Variants in DCC observed in about 807,000 individuals in gnomAD.
DCC encodes netrin receptor DCC.
In DCC, 58 loss-of-function variants were observed where a neutral mutation model predicts 172.5. That is an observed-to-expected ratio of 0.34 (90% CI 0.27 to 0.42). DCC has a LOEUF of 0.42. Ranked by LOEUF, DCC falls within the 10% of genes least tolerant of loss-of-function variation. The probability of loss-of-function intolerance (pLI) is 1.00; values close to 1 mark genes in which losing one functional copy is unlikely to be tolerated. For synonymous variants in DCC, 709 were observed against 644.5 expected (o/e 1.10, Z -1.52); for missense variants, 1,740 against 1,791.0 (o/e 0.97, Z 0.51).
At chr18:53,042,417 T>C (rs371006518) in intron 5 of DCC, among the ~76,000 whole-genome samples, 19 of 152,166 alleles carry the variant, frequency 1.2e-4, no homozygotes, top group Non-Finnish European at 1.8e-4. Context: ...CAGTATTTTA[T>C]TGAGGATTTT....
At chr18:52,481,700 A>G (rs1186165780) in intron 1 of DCC, among the ~76,000 whole-genome samples, 2 of 152,110 alleles carry the variant, frequency 1.3e-5, no homozygotes, top group East Asian at 3.9e-4. Context: ...TTGGAACTCT[A>G]ACAGTGACGA....
At chr18:52,678,606 C>T (rs1568036775) in intron 1 of DCC, among the ~76,000 whole-genome samples, 1 of 152,106 alleles carries the variant, frequency 6.6e-6, no homozygotes, top group Admixed American at 6.6e-5. Context: ...TTAAAAAATG[C>T]TCTAAAGCAT....
chr18:53,477,332 A>G (rs1176292277), intron 25 of DCC, among the ~76,000 whole-genome samples: 1 of 152,182 alleles, frequency 6.6e-6, no homozygotes, highest in Non-Finnish European at 1.5e-5. Context: ...AAACTTTTTG[A>G]TAAAATAGCC....
intron 7 of DCC, among the ~76,000 whole-genome samples, chr18:53,104,073 AT>A (rs2043210932): frequency 6.6e-6 from 1 of 152,058 alleles, no homozygotes; most frequent in Admixed American, 6.6e-5. Context: ...AAAATCTTAA[AT>A]TCAGACAGAA....
chr18:52,799,442 T>TG (rs893289050), intron 2 of DCC, among the ~76,000 whole-genome samples: 1 of 151,958 alleles, frequency 6.6e-6, no homozygotes, highest in Non-Finnish European at 1.5e-5. Context: ...AATGAGAAGG[T>TG]GAAAAAAAGG....
intron 2 of DCC, among the ~76,000 whole-genome samples, chr18:52,855,786 A>T (rs1050024768): frequency 1.3e-4 from 11 of 84,022 alleles, no homozygotes; most frequent in Admixed American, 4.3e-4. Flanking sequence ...TTTTTTTGAG[A>T]TGGAGTTTTG....
intron 22 of DCC, among the ~76,000 whole-genome samples, chr18:53,446,542 TA>T (rs1310262653): frequency 6.6e-6 from 1 of 152,204 alleles, no homozygotes; most frequent in East Asian, 1.9e-4. Context: ...TTGAGAGCTC[TA>T]AAATTTGTTT....
At chr18:53,250,763 A>G (rs2056420912) in intron 12 of DCC, among the ~76,000 whole-genome samples, 1 of 151,884 alleles carries the variant, frequency 6.6e-6, no homozygotes, top group Non-Finnish European at 1.5e-5. Context: ...AAGTTGCTTT[A>G]ACTGCTTACT....
chr18:52,610,621 G>T (rs1007674659), intron 1 of DCC, among the ~76,000 whole-genome samples: 3 of 151,848 alleles, frequency 2.0e-5, no homozygotes, highest in Admixed American at 1.3e-4. Context: ...ACAGGGAATT[G>T]GCAGCCTTTC....
chr18:53,245,474 G>A (rs185434330), intron 12 of DCC, among the ~76,000 whole-genome samples: 52 of 152,180 alleles, frequency 3.4e-4, no homozygotes, highest in African/African-American at 1.2e-3. Context: ...GCTTATGTTG[G>A]TAATGTACTT....
intron 1 of DCC, among the ~76,000 whole-genome samples, chr18:52,724,311 T>C (rs2036519192): frequency 1.3e-5 from 2 of 152,172 alleles, no homozygotes; most frequent in South Asian, 4.2e-4. Flanking sequence ...CACATCCTGT[T>C]ATTTTATTAT....
At chr18:52,402,595 C>T (rs1347100001) in intron 1 of DCC, among the ~76,000 whole-genome samples, 1 of 151,988 alleles carries the variant, frequency 6.6e-6, no homozygotes, top group African/African-American at 2.4e-5. Context: ...TTTCTTCTTT[C>T]TGTCTGTCAT....
chr18:52,793,181 C>T (rs1196354152), intron 2 of DCC, among the ~76,000 whole-genome samples: 1 of 152,152 alleles, frequency 6.6e-6, no homozygotes, highest in Non-Finnish European at 1.5e-5. Context: ...AGGATTGTCA[C>T]CCCACCCTAA....
At chr18:53,502,956 C>T (rs2046122924) in intron 27 of DCC, among the ~76,000 whole-genome samples, 1 of 152,028 alleles carries the variant, frequency 6.6e-6, no homozygotes, top group African/African-American at 2.4e-5. Context: ...AACCCATCAC[C>T]TAGGTATTAA....
At chr18:53,366,095 T>G (rs578208758) in intron 15 of DCC, among the ~76,000 whole-genome samples, 48 of 152,140 alleles carry the variant, frequency 3.2e-4, no homozygotes, top group Admixed American at 2.7e-3. Context: ...TCACTCTTAC[T>G]GCCCAGGCTG....
intron 1 of DCC, among the ~76,000 whole-genome samples, chr18:52,404,578 G>T (rs1375281406): frequency 6.7e-6 from 1 of 150,316 alleles, no homozygotes; most frequent in African/African-American, 2.5e-5. Context: ...AGAGTGACTA[G>T]CCCTTATCCC....
chr18:52,710,451 A>C (rs1464245368), intron 1 of DCC, among the ~76,000 whole-genome samples: 1 of 152,214 alleles, frequency 6.6e-6, no homozygotes, highest in African/African-American at 2.4e-5. Context: ...CAGAATGTGC[A>C]GTGTGAACTT....
chr18:53,054,725 G>C (rs974576087), intron 5 of DCC, among the ~76,000 whole-genome samples: 1 of 152,022 alleles, frequency 6.6e-6, no homozygotes, highest in East Asian at 1.9e-4. Flanking sequence ...ATCTAGAATC[G>C]TTTCCTAGCA....
rs192776451 is a variant in DCC at position 53,028,192 on chromosome 18, T to C, written c.986-35113T>C. 4.7e-3 allele frequency among the ~76,000 whole-genome samples: 723 copies of C among 152,228 alleles called. 7 individuals carry two copies. The highest frequency in any genetic ancestry group is 0.017 in the African/African-American group (699 of 41,546). ...AGACAAATAATGCTATCAATGGTAATTGGAAGTGCTATTATCCATATCTGA... is the reference window on the plus strand; with the variant it reads ...AGACAAATAATGCTATCAATGGTAACTGGAAGTGCTATTATCCATATCTGA... On this transcript the variant is annotated intron_variant, in intron 5 of 28. Coordinates refer to ENST00000442544, the MANE Select transcript of DCC (RefSeq NM_005215.4).
Sources: gnomAD v4.1 joint callset for allele counts (sites outside exome capture counted in the v4.1 genomes callset) on GRCh38, gnomAD v4.1.1 for gene constraint, MANE v1.5 for transcripts, NCBI Gene and HGNC (gene_info 2026-07-23, HGNC 2026-07-21) for gene names.